The following L3MBTL4 variants were observed in gnomAD, a reference collection of about 807,000 sequenced individuals.
L3MBTL4 encodes the protein L3MBTL histone methyl-lysine binding protein 4, also known as lethal(3)malignant brain tumor-like protein 4.
In L3MBTL4, 70 loss-of-function variants were observed where a neutral mutation model predicts 84.5. That is an observed-to-expected ratio of 0.83 (90% CI 0.68 to 1.01). The LOEUF (loss-of-function observed/expected upper bound fraction) is 1.01, where lower values mean the gene tolerates loss of function less well. L3MBTL4 is among the 50% of genes least tolerant of loss of function. L3MBTL4 has a pLI of 0.00. For missense variants in L3MBTL4, 715 were observed against 754.8 expected (o/e 0.95, Z 0.62); for synonymous variants, 274 against 259.8 (o/e 1.05, Z -0.52).
chr18:6,161,972 CTGTG>C (rs200214261), intron 13 of L3MBTL4, among the ~76,000 whole-genome samples: 3 of 148,746 alleles, frequency 2.0e-5, no homozygotes, highest in East Asian at 2.0e-4. Flanking sequence ...GAGAATATAC[CTGTG>C]TGTGTGTGTG....
rs2146080097 is a variant in L3MBTL4, at chr18:6,238,054, G to A, written c.708-14C>T. 1 of 1,611,710 alleles carries A rather than the reference G, an allele frequency of 6.2e-7. No individual in the cohort carries two copies. The highest frequency in any genetic ancestry group is 8.5e-7 in the Non-Finnish European group (1 of 1,177,820). On this transcript the variant is annotated splice_polypyrimidine_tract_variant and intron_variant, in intron 9 of 18. Coordinates refer to ENST00000317931, the MANE Select transcript of L3MBTL4 (RefSeq NM_001330559.2). Reference sequence around the variant, plus strand: ...TTAACATCGCACCTGCAAAAACAGAGCTCTATATTACGTTCCGTTTTACTT... The same window carrying A: ...TTAACATCGCACCTGCAAAAACAGAACTCTATATTACGTTCCGTTTTACTT...
intron 14 of L3MBTL4, among the ~76,000 whole-genome samples, chr18:6,096,781 G>T (rs2058658262): frequency 6.6e-6 from 1 of 152,208 alleles, no homozygotes; most frequent in Non-Finnish European, 1.5e-5. Flanking sequence ...GAAAGTATTT[G>T]AGCTAAGCTG....
At chr18:6,307,122 C>A (rs1167154578) in intron 3 of L3MBTL4, among the ~76,000 whole-genome samples, 1 of 152,028 alleles carries the variant, frequency 6.6e-6, no homozygotes, top group Admixed American at 6.6e-5. Flanking sequence ...TAGAGAGCAT[C>A]TAGATGTTAA....
At chr18:6,063,285 G>A (rs769201956) in intron 16 of L3MBTL4, among the ~76,000 whole-genome samples, 16 of 145,138 alleles carry the variant, frequency 1.1e-4, no homozygotes, top group South Asian at 1.1e-3. Flanking sequence ...TGAGACTTGC[G>A]CTACTATAAA....
chr18:6,185,254 C>T (rs914455133), intron 12 of L3MBTL4, among the ~76,000 whole-genome samples: 2 of 152,184 alleles, frequency 1.3e-5, no homozygotes, highest in Non-Finnish European at 1.5e-5. Context: ...CATGCTGACA[C>T]GTGCTGACAA....
intron 16 of L3MBTL4, among the ~76,000 whole-genome samples, chr18:5,991,524 A>G (rs1229956638): frequency 1.3e-5 from 2 of 152,298 alleles, no homozygotes; most frequent in East Asian, 3.9e-4. Context: ...TGTCTACACT[A>G]AAGCTGCTAT....
intron 12 of L3MBTL4, among the ~76,000 whole-genome samples, chr18:6,186,775 G>A (rs2145445130): frequency 6.6e-6 from 1 of 152,312 alleles, no homozygotes; most frequent in Admixed American, 6.5e-5. Context: ...CCGCACTGAG[G>A]GTGTTTGCCC....
At chr18:6,114,969 A>T (rs1298272336) in intron 14 of L3MBTL4, among the ~76,000 whole-genome samples, 1 of 152,220 alleles carries the variant, frequency 6.6e-6, no homozygotes, top group Non-Finnish European at 1.5e-5. Flanking sequence ...GCGGAAGGGC[A>T]GCCATGGAAA....
intron 14 of L3MBTL4, among the ~76,000 whole-genome samples, chr18:6,107,755 T>C (rs778385368): frequency 7.9e-5 from 12 of 152,144 alleles, no homozygotes; most frequent in Non-Finnish European, 1.8e-4. Context: ...GACATGAAGA[T>C]GACTTTTGGG....
At chr18:6,118,619 C>T (rs756905234) in intron 14 of L3MBTL4, among the ~76,000 whole-genome samples, 15 of 152,160 alleles carry the variant, frequency 9.9e-5, no homozygotes, top group South Asian at 2.1e-4. Context: ...TTGTTGAAGA[C>T]TTAAGTAATT....
chr18:5,956,170 T>G lies in L3MBTL4; in HGVS notation c.*50A>C. ...ATCAAATTAATGTGCTCCACTTTTA[T>G]TGCTGAAAGAGCGCAGGTCTTGGTG... On this transcript the variant is annotated 3_prime_UTR_variant, in exon 19 of 19. Transcript: ENST00000317931. 6.7e-7 allele frequency: 1 copy of G among 1,501,384 alleles called. No homozygotes were observed. Among genetic ancestry groups the G allele is most frequent in the Non-Finnish European group, 9.2e-7 (1 of 1,091,906 alleles). The allele number at this position is 1,501,384 out of a possible 1,614,324, so 93.0% of individuals were successfully genotyped here.
At chr18:6,303,957 C>T (rs1046274008) in intron 3 of L3MBTL4, among the ~76,000 whole-genome samples, 6 of 147,102 alleles carry the variant, frequency 4.1e-5, no homozygotes, top group Non-Finnish European at 7.4e-5. Flanking sequence ...GAGGTTGCAG[C>T]GAGCTGAGAT....
At chr18:5,956,810 C>A (rs1230737897) in intron 18 of L3MBTL4, among the ~76,000 whole-genome samples, 1 of 152,210 alleles carries the variant, frequency 6.6e-6, no homozygotes, top group Non-Finnish European at 1.5e-5. Flanking sequence ...AAGCAACCCA[C>A]TGTTCCCAAT....
chr18:6,177,868 T>C (rs935358327), intron 12 of L3MBTL4, among the ~76,000 whole-genome samples: 5 of 152,148 alleles, frequency 3.3e-5, no homozygotes, highest in Admixed American at 2.0e-4. Flanking sequence ...TATAATGGAG[T>C]GAAGAAGAAA....
intron 15 of L3MBTL4, chr18:6,082,263 T>C (rs2058103906): frequency 6.6e-6 from 1 of 152,184 alleles, no homozygotes; most frequent in African/African-American, 2.4e-5. Context: ...ATTCAATATA[T>C]ATAATTTTAA....
intron 16 of L3MBTL4, chr18:6,031,644 C>A (rs2055806359): frequency 6.2e-6 from 6 of 964,810 alleles, no homozygotes; most frequent in African/African-American, 1.8e-5. Context: ...ATGACCAGGG[C>A]AGCTGACTCA....
intron 10 of L3MBTL4, among the ~76,000 whole-genome samples, chr18:6,233,178 T>G (rs191879188): frequency 5.7e-4 from 87 of 151,842 alleles, no homozygotes; most frequent in African/African-American, 2.0e-3. Context: ...CTAAAAATAA[T>G]AAGAGCTATT....
chr18:6,031,248 A>G (rs772053130), intron 16 of L3MBTL4: 27 of 985,326 alleles, frequency 2.7e-5, no homozygotes, highest in Non-Finnish European at 3.1e-5. Context: ...GTGAGCTGAT[A>G]TATCTTCTGC....
intron 16 of L3MBTL4, among the ~76,000 whole-genome samples, chr18:6,016,219 A>G (rs1162198882): frequency 1.3e-5 from 2 of 152,038 alleles, no homozygotes; most frequent in Non-Finnish European, 2.9e-5. Context: ...CTTCCGGGGG[A>G]GCAGCAGGGG....
Sources: allele counts gnomAD v4.1 joint callset (sites outside exome capture counted in the v4.1 genomes callset), GRCh38; gene constraint gnomAD v4.1.1; transcripts MANE v1.5; gene names NCBI Gene and HGNC (gene_info 2026-07-23, HGNC 2026-07-21).